Variants in SHPRH observed in about 807,000 individuals in gnomAD.
SHPRH encodes E3 ubiquitin-protein ligase SHPRH.
In SHPRH, 106 loss-of-function variants were observed where a neutral mutation model predicts 202.5. That is an observed-to-expected ratio of 0.52 (90% CI 0.45 to 0.62). The LOEUF is 0.62. SHPRH is among the 20% of genes least tolerant of loss of function. The pLI, the probability that SHPRH is intolerant of heterozygous loss-of-function variation, is 0.00. For missense variants in SHPRH, 1,710 were observed against 2,020.0 expected (o/e 0.85, Z 2.94); for synonymous variants, 729 against 686.0 (o/e 1.06, Z -0.98).
intron 29 of SHPRH, among the ~76,000 whole-genome samples, chr6:145,887,639 G>A (rs745316498): frequency 2.0e-5 from 3 of 150,608 alleles, no homozygotes; most frequent in South Asian, 2.1e-4. Context: ...GGGTTCAAGC[G>A]ATTCTCCTGC....
At chr6:145,937,172 C>T (rs1218052397) in intron 11 of SHPRH, among the ~76,000 whole-genome samples, 4 of 151,622 alleles carry the variant, frequency 2.6e-5, no homozygotes, top group Non-Finnish European at 4.4e-5. Flanking sequence ...TTAGTAGAGA[C>T]GAGGCTTCAT....
At chr6:145,866,013 G>A (rs77521537) in intron 2 of SHPRH, among the ~76,000 whole-genome samples, 2,252 of 152,298 alleles carry the variant, frequency 0.015, 45 homozygotes, top group African/African-American at 0.05. Context: ...TTCCTCTGGT[G>A]ATCTGATTCC....
At chr6:145,858,401 T>C in the SHPRH span, among the ~76,000 whole-genome samples, 2 of 152,124 alleles carry the variant, frequency 1.3e-5, no homozygotes, top group Non-Finnish European at 2.9e-5. Flanking sequence ...AAGATTTATA[T>C]ATGAAACAAT....
chr6:145,896,307 G>C (rs893030144), intron 25 of SHPRH, among the ~76,000 whole-genome samples: 2 of 152,008 alleles, frequency 1.3e-5, no homozygotes, highest in Admixed American at 1.3e-4. Flanking sequence ...GAGAAAATAG[G>C]AAATTAGTGT....
chr6:145,952,891 C>A (rs1249860778), intron 2 of SHPRH, among the ~76,000 whole-genome samples: 1 of 151,986 alleles, frequency 6.6e-6, no homozygotes, highest in Non-Finnish European at 1.5e-5. Context: ...ATCCTCATTA[C>A]TGAATCAAAC....
At chr6:145,905,909 C>A (rs746967266) in intron 25 of SHPRH, 1 of 152,024 alleles carries the variant, frequency 6.6e-6, no homozygotes. Context: ...TCCTTTCACT[C>A]CTGGACCTTT....
chr6:145,944,266 C>T (rs1787120835), intron 8 of SHPRH, among the ~76,000 whole-genome samples: 1 of 152,146 alleles, frequency 6.6e-6, no homozygotes, highest in Admixed American at 6.6e-5. Context: ...CATATGTCCT[C>T]TCTTACAATT....
At chr6:145,926,176 T>A (rs1784862155) in intron 16 of SHPRH, 28 bp downstream of exon 16, 1 of 1,593,254 alleles carries the variant, frequency 6.3e-7, no homozygotes, top group East Asian at 2.2e-5. Context: ...AAATATACTT[T>A]TATAGACAGA....
chr6:145,942,350 G>A (rs142559561), intron 9 of SHPRH, among the ~76,000 whole-genome samples: 23 of 152,274 alleles, frequency 1.5e-4, no homozygotes, highest in African/African-American at 5.5e-4. Flanking sequence ...CAATAATTCT[G>A]TTGGTGGTTG....
At chr6:145,943,051 G>C (rs887290238) in intron 9 of SHPRH, 92 bp downstream of exon 9, 1 of 1,414,586 alleles carries the variant, frequency 7.1e-7, no homozygotes, top group Non-Finnish European at 9.5e-7. Flanking sequence ...TTAGTTTTGA[G>C]GATAAACCAC....
downstream of SHPRH, among the ~76,000 whole-genome samples, chr6:145,860,995 T>C (rs1362582035): frequency 6.6e-6 from 1 of 151,982 alleles, no homozygotes; most frequent in Non-Finnish European, 1.5e-5. Flanking sequence ...TCGAAATGGA[T>C]TAAATACTTA....
chr6:145,904,170 T>C (rs984269060), intron 25 of SHPRH: 1 of 152,124 alleles, frequency 6.6e-6, no homozygotes, highest in African/African-American at 2.4e-5. Context: ...AAAAGCTATA[T>C]GATTAAGCAT....
At chr6:145,959,045 C>T (rs1788801476) in intron 1 of SHPRH, among the ~76,000 whole-genome samples, 3 of 152,092 alleles carry the variant, frequency 2.0e-5, no homozygotes, top group Non-Finnish European at 4.4e-5. Context: ...ATGTGTTAGC[C>T]AGGATGGTTT....
chr6:145,961,507 T>C (rs569122641), intron 1 of SHPRH, among the ~76,000 whole-genome samples: 46 of 152,366 alleles, frequency 3.0e-4, no homozygotes, highest in Non-Finnish European at 5.3e-4. Context: ...AGAAGTAATA[T>C]GTGCCATGTT....
At chr6:145,862,422 A>G (rs1234637005), downstream of SHPRH, among the ~76,000 whole-genome samples, 2 of 145,698 alleles carry the variant, frequency 1.4e-5, no homozygotes, top group African/African-American at 2.7e-5. Flanking sequence ...TCTCAACAAA[A>G]CAAAACAAAA....
At chr6:145,883,138 T>C (rs1378118272), downstream of SHPRH, 3 of 152,210 alleles carry the variant, frequency 2.0e-5, no homozygotes, top group Admixed American at 6.5e-5. Flanking sequence ...ATTTTAGTAA[T>C]AGTAGTGACC....
intron 25 of SHPRH, among the ~76,000 whole-genome samples, chr6:145,899,855 A>T (rs1782342795): frequency 6.6e-6 from 1 of 152,186 alleles, no homozygotes; most frequent in Non-Finnish European, 1.5e-5. Context: ...CTGAAAAGAT[A>T]TTACTCAAAA....
chr6:145,930,955 G>A (rs983468891), intron 14 of SHPRH, among the ~76,000 whole-genome samples: 13 of 151,968 alleles, frequency 8.6e-5, no homozygotes, highest in Non-Finnish European at 1.5e-4. Context: ...TTTATCCTTG[G>A]TAATATTCTT....
Position 145,922,218 on chromosome 6 carries a change from T to C in SHPRH, c.3782+68A>G, listed in dbSNP as rs1399521021. 48 of 1,349,724 alleles carry C rather than the reference T, an allele frequency of 3.6e-5. No homozygotes were observed. The East Asian group carries it at 9.5e-4, about 27-fold the overall frequency. The allele number at this position is 1,349,724 out of a possible 1,614,324, so 83.6% of individuals were successfully genotyped here. On this transcript the variant is annotated intron_variant, in intron 20 of 29. Transcript: ENST00000275233. ...TACTGTGGGGGAAAACATAGTCTTA[T>C]ATCACATAACTGAGTCTTGCAAAAT... is the stretch of plus-strand genomic sequence containing the variant.
Sources: allele counts gnomAD v4.1 joint callset (sites outside exome capture counted in the v4.1 genomes callset), GRCh38; gene constraint gnomAD v4.1.1; transcripts MANE v1.5; gene names NCBI Gene and HGNC (gene_info 2026-07-23, HGNC 2026-07-21).